KLHL14: variants seen among roughly 807,000 people sequenced by gnomAD.
The protein encoded by KLHL14 is kelch-like protein 14.
KLHL14 carries 22 observed loss-of-function variants against 64.3 expected under a neutral mutation model. The ratio of observed to expected loss-of-function variants is 0.34; its 90% confidence interval spans 0.24 to 0.49. The LOEUF (loss-of-function observed/expected upper bound fraction) is 0.49, where lower values mean the gene tolerates loss of function less well. KLHL14 is among the 20% of genes least tolerant of loss of function. The probability of loss-of-function intolerance (pLI) is 0.99; values close to 1 mark genes in which losing one functional copy is unlikely to be tolerated. For synonymous variants in KLHL14, 322 were observed against 333.4 expected, an observed-to-expected ratio of 0.97 and a Z score of 0.37; for missense variants, 661 against 789.0, an observed-to-expected ratio of 0.84 and a Z score of 1.94.
chr18:32,714,718 A>G (rs565001721), intron 3 of KLHL14, among the ~76,000 whole-genome samples: 8 of 152,270 alleles, frequency 5.3e-5, no homozygotes, highest in African/African-American at 1.9e-4. Context: ...TAACTGCAGC[A>G]ATTTTGAACT....
intron 2 of KLHL14, among the ~76,000 whole-genome samples, chr18:32,766,920 T>C (rs1388757498): frequency 1.3e-5 from 2 of 152,174 alleles, no homozygotes; most frequent in Non-Finnish European, 2.9e-5. Flanking sequence ...TTTCTATAGA[T>C]AATATACTCT....
At chr18:32,772,123 CGCCCG>C in intron 1 of KLHL14, 4 of 222,170 alleles carry the variant, frequency 1.8e-5, no homozygotes, top group South Asian at 6.0e-5. Context: ...CCGGCCCGCC[CGCCCG>C]GGGGAGAGCC....
At chr18:32,733,111 T>C (rs976221181) in intron 3 of KLHL14, among the ~76,000 whole-genome samples, 2 of 152,192 alleles carry the variant, frequency 1.3e-5, no homozygotes, top group African/African-American at 2.4e-5. Context: ...GGAAGACTGA[T>C]GTTTTTCAAT....
chr18:32,690,149 A>G (rs955720565), intron 4 of KLHL14, among the ~76,000 whole-genome samples: 1 of 152,200 alleles, frequency 6.6e-6, no homozygotes, highest in South Asian at 2.1e-4. Flanking sequence ...GGGATGGGCC[A>G]TAGAAGCTAA....
intron 7 of KLHL14, among the ~76,000 whole-genome samples, chr18:32,677,813 G>GT (rs1171333554): frequency 6.6e-6 from 1 of 152,124 alleles, no homozygotes; most frequent in Admixed American, 6.6e-5. Context: ...AATTACTTGA[G>GT]TAAGTCACAA....
At chr18:32,693,409 C>CAGAG (rs1300511311) in intron 4 of KLHL14, among the ~76,000 whole-genome samples, 11 of 116,794 alleles carry the variant, frequency 9.4e-5, no homozygotes, top group African/African-American at 3.2e-4. Flanking sequence ...CACACACACA[C>CAGAG]ACACAGAGAG....
intron 7 of KLHL14, among the ~76,000 whole-genome samples, chr18:32,679,864 A>G (rs2049829568): frequency 1.3e-5 from 2 of 152,178 alleles, no homozygotes; most frequent in African/African-American, 4.8e-5. Flanking sequence ...AATTTATTTC[A>G]GTGAATTCAT....
chr18:32,705,574 G>C (rs931849140), intron 3 of KLHL14, among the ~76,000 whole-genome samples: 3 of 151,744 alleles, frequency 2.0e-5, no homozygotes, highest in Non-Finnish European at 4.4e-5. Context: ...AATACAAAAA[G>C]TAGCTGGATG....
chr18:32,678,343 G>C (rs1191739945), intron 7 of KLHL14, among the ~76,000 whole-genome samples: 2 of 152,106 alleles, frequency 1.3e-5, no homozygotes, highest in Non-Finnish European at 2.9e-5. Flanking sequence ...CAACATACTG[G>C]ATTCTTTAAA....
At position 32,770,966 on chromosome 18, in the gene KLHL14, C is replaced by T; in HGVS notation, c.-43-332G>A. 1 of 438,630 alleles carries T rather than the reference C, an allele frequency of 2.3e-6. No homozygotes were observed. The highest frequency in any genetic ancestry group is 2.1e-5 in the African/African-American group (1 of 48,098). 27.2% of individuals were successfully genotyped at this position (438,630 alleles called of 1,614,324 possible). ...CGGCTGTTGGCAGCAACAGCAGTGG[C>T]AGCAGCGACGGCAAAGTGGCGGCTG... On this transcript the variant is annotated intron_variant, in intron 1 of 8. Coordinates refer to ENST00000359358, the MANE Select transcript of KLHL14 (RefSeq NM_020805.3). This position sits in a 1 kb window ranked among gnomAD's most constrained non-coding sequence, Gnocchi z 6.7.
At chr18:32,724,429 T>C (rs2050096013) in intron 3 of KLHL14, among the ~76,000 whole-genome samples, 1 of 152,160 alleles carries the variant, frequency 6.6e-6, no homozygotes, top group African/African-American at 2.4e-5. Flanking sequence ...GAGCCCTCAA[T>C]ACATGTCTTT....
chr18:32,740,354 C>T (rs1319458659), intron 3 of KLHL14, among the ~76,000 whole-genome samples: 1 of 152,184 alleles, frequency 6.6e-6, no homozygotes, highest in South Asian at 2.1e-4. Context: ...TTTAATTCAT[C>T]TTTTTGTCTT....
chr18:32,693,405 CACACACACAGAGAGAGAG>C (rs1235755460), intron 4 of KLHL14, among the ~76,000 whole-genome samples: 3 of 120,836 alleles, frequency 2.5e-5, no homozygotes, highest in Non-Finnish European at 3.6e-5. Context: ...CACACACACA[CACACACACAGAGAGAGAG>C]AGAGAGAGAG....
intron 2 of KLHL14, among the ~76,000 whole-genome samples, chr18:32,748,331 TTTTTGTATTTTGTATTTTTGTA>T (rs1195674353): frequency 1.3e-5 from 2 of 149,822 alleles, no homozygotes; most frequent in East Asian, 1.9e-4. Context: ...TTCCGGCTAA[TTTTTGTATTTTGTATTTTTGTA>T]TTTTGTATTT....
intron 3 of KLHL14, among the ~76,000 whole-genome samples, chr18:32,702,341 G>GT (rs202167787): frequency 0.04 from 4,997 of 123,908 alleles, 203 homozygotes; most frequent in African/African-American, 0.12. Context: ...GAGGTTTTTT[G>GT]TTTTTTTTTT....
intron 2 of KLHL14, among the ~76,000 whole-genome samples, chr18:32,758,427 G>A (rs1341719031): frequency 6.6e-6 from 1 of 152,208 alleles, no homozygotes; most frequent in African/African-American, 2.4e-5. Flanking sequence ...AGACAGATGA[G>A]TATTGGTGAA....
At chr18:32,674,901 C>A in intron 8 of KLHL14, 104 bp from the exon 9 acceptor site, 1 of 620,064 alleles carries the variant, frequency 1.6e-6, no homozygotes, top group South Asian at 2.3e-5. Flanking sequence ...AATATCTGTT[C>A]TCCATTCTTG....
chr18:32,709,266 G>A (rs896734700), intron 3 of KLHL14, among the ~76,000 whole-genome samples: 3 of 151,858 alleles, frequency 2.0e-5, no homozygotes, highest in African/African-American at 7.3e-5. Flanking sequence ...CTTTGCATCT[G>A]CTCTTCTCTC....
intron 5 of KLHL14, among the ~76,000 whole-genome samples, chr18:32,686,134 C>T (rs1479773914): frequency 4.6e-5 from 7 of 150,578 alleles, no homozygotes; most frequent in Non-Finnish European, 7.4e-5. Context: ...GCCTCAGCCT[C>T]CCAGGTAGCT....
Sources: gnomAD v4.1 joint callset for allele counts (sites outside exome capture counted in the v4.1 genomes callset) on GRCh38, gnomAD v4.1.1 for gene constraint, Gnocchi (gnomAD v3.1) non-coding constraint, MANE v1.5 for transcripts, NCBI Gene and HGNC (gene_info 2026-07-23, HGNC 2026-07-21) for gene names.